The following NAV2 variants were observed in gnomAD, a reference collection of about 807,000 sequenced individuals.
NAV2 encodes helicase, APC down-regulated 1.
A neutral mutation model predicts 223.2 loss-of-function variants in NAV2; 54 were observed. The ratio of observed to expected loss-of-function variants is 0.24; its 90% CI spans 0.19 to 0.30. The LOEUF (loss-of-function observed/expected upper bound fraction) is 0.30. Among genes scored for constraint, NAV2 ranks in the 10% least tolerant of loss-of-function variants. The pLI is 1.00. For missense variants in NAV2, 2,806 were observed against 3,147.5 expected (o/e 0.89, Z 2.60); for synonymous variants, 1,279 against 1,239.3 (o/e 1.03, Z -0.67).
At chr11:19,873,179 T>C (rs1420662931) in intron 4 of NAV2, among the ~76,000 whole-genome samples, 1 of 152,232 alleles carries the variant, frequency 6.6e-6, no homozygotes, top group Non-Finnish European at 1.5e-5. Flanking sequence ...ACATCCTGTA[T>C]GCCAGGCCCA....
At chr11:19,974,521 C>T (rs1042660090) in intron 10 of NAV2, among the ~76,000 whole-genome samples, 11 of 152,222 alleles carry the variant, frequency 7.2e-5, no homozygotes, top group Admixed American at 7.2e-4. Flanking sequence ...AGCAGTGGCT[C>T]ACGCCTGTAA....
chr11:20,044,447 A>G, intron 13 of NAV2, 175 bp downstream of exon 13: 1 of 660,790 alleles, frequency 1.5e-6, no homozygotes, highest in Non-Finnish European at 2.5e-6. Context: ...ATAAGTAAGC[A>G]TGGGAGCCTC....
chr11:19,988,548 TC>T (rs2051017012), intron 11 of NAV2, among the ~76,000 whole-genome samples: 3 of 151,826 alleles, frequency 2.0e-5, no homozygotes, highest in African/African-American at 7.3e-5. Context: ...ATTTTTCTTT[TC>T]TTCTTGTTAT....
chr11:19,770,820 T>C (rs2055662454), intron 1 of NAV2, among the ~76,000 whole-genome samples: 1 of 152,212 alleles, frequency 6.6e-6, no homozygotes, highest in Admixed American at 6.5e-5. Context: ...GCTCTCCTTC[T>C]GGTAATACTT....
chr11:19,356,583 C>T (rs531822096), intron 1 of NAV2, among the ~76,000 whole-genome samples: 12 of 152,136 alleles, frequency 7.9e-5, no homozygotes, highest in African/African-American at 1.7e-4. Flanking sequence ...GGAGGGGGAA[C>T]GTGAGCTCTG....
intron 34 of NAV2, 95 bp downstream of exon 34, chr11:20,103,819 T>G (rs2061823564): frequency 1.8e-6 from 2 of 1,081,248 alleles, no homozygotes. Context: ...GAGTATGTGT[T>G]GTATGCTAGG....
chr11:19,715,034 T>C (rs1187231792), intron 1 of NAV2, among the ~76,000 whole-genome samples: 3 of 152,132 alleles, frequency 2.0e-5, no homozygotes, highest in Admixed American at 6.5e-5. Flanking sequence ...TTTTGGCACA[T>C]ACTTCCCTGC....
At chr11:19,434,962 T>C (rs1851163816) in intron 1 of NAV2, among the ~76,000 whole-genome samples, 1 of 151,924 alleles carries the variant, frequency 6.6e-6, no homozygotes, top group African/African-American at 2.4e-5. Context: ...ATCTTTTCTT[T>C]CCTTTATAAT....
At chr11:19,428,909 T>C (rs1447710010) in intron 1 of NAV2, among the ~76,000 whole-genome samples, 1 of 152,234 alleles carries the variant, frequency 6.6e-6, no homozygotes, top group Non-Finnish European at 1.5e-5. Context: ...GTGTGCATTA[T>C]GATAATGTAC....
At chr11:19,484,301 T>C (rs1204171150) in intron 1 of NAV2, among the ~76,000 whole-genome samples, 2 of 152,222 alleles carry the variant, frequency 1.3e-5, no homozygotes, top group Admixed American at 6.5e-5. Flanking sequence ...CATCCTCAGA[T>C]ACTGGTTCAA....
intron 1 of NAV2, among the ~76,000 whole-genome samples, chr11:19,471,641 A>G (rs535100248): frequency 1.3e-5 from 2 of 152,120 alleles, no homozygotes; most frequent in Non-Finnish European, 2.9e-5. Context: ...TGCAACCATT[A>G]CCTTCCATTA....
intron 1 of NAV2, among the ~76,000 whole-genome samples, chr11:19,497,205 G>A (rs896554084): frequency 6.6e-6 from 1 of 152,202 alleles, no homozygotes; most frequent in African/African-American, 2.4e-5. Context: ...CTGTAAAATG[G>A]CAATAATGAC....
chr11:19,347,254 G>C (rs1285828660), upstream of NAV2, among the ~76,000 whole-genome samples: 1 of 152,202 alleles, frequency 6.6e-6, no homozygotes. Context: ...CTGGCACCTG[G>C]AATCCTAAAT....
At chr11:19,688,777 A>G (rs1363106402) in intron 1 of NAV2, among the ~76,000 whole-genome samples, 7 of 152,182 alleles carry the variant, frequency 4.6e-5, no homozygotes, top group African/African-American at 1.7e-4. Context: ...AGTTAGTATC[A>G]GGCTTTACCT....
chr11:19,360,401 CCTCAGCTGT>C (rs1464029099), intron 1 of NAV2, among the ~76,000 whole-genome samples: 1 of 152,216 alleles, frequency 6.6e-6, no homozygotes, highest in African/African-American at 2.4e-5. Flanking sequence ...GGCTATAAAT[CCTCAGCTGT>C]CTTTGCTATA....
chr11:19,705,983 TATCTCTAA>T (rs1184413403), intron 1 of NAV2, among the ~76,000 whole-genome samples: 3 of 152,188 alleles, frequency 2.0e-5, no homozygotes, highest in Admixed American at 6.5e-5. Context: ...CTCACTAATG[TATCTCTAA>T]GACCATATAC....
intron 1 of NAV2, among the ~76,000 whole-genome samples, chr11:19,385,618 GAT>G (rs1280778902): frequency 1.3e-5 from 2 of 152,176 alleles, no homozygotes; most frequent in Non-Finnish European, 2.9e-5. Flanking sequence ...TCAGGAAAGA[GAT>G]GATTTTTAAC....
At position 20,097,692 on chromosome 11, in the gene NAV2, T is replaced by G; in HGVS notation, c.6128T>G (p.Leu2043Arg). ...AACACTTCCGAAACACCGGAGCTGC[T>G]TCCTTGTGGCTATCTGGTTGGAGAG... is the stretch of plus-strand genomic sequence containing the variant. ...RSNTSETPEL[L>R]PCGYLVGENT... The change falls in exon 31 of 38, where the codon CTT (leucine) becomes CGT (arginine). Residue 2043 changes from leucine to arginine, a missense_variant. Around this residue, in one of 4 missense-constraint regions of NAV2, gnomAD observed 824 missense variants for 1,069.4 expected, o/e 0.77. Coordinates refer to ENST00000349880, the MANE Select transcript of NAV2 (RefSeq NM_145117.5). 6.2e-7 allele frequency: 1 copy of G among 1,612,728 alleles called. No homozygotes were observed. The highest frequency in any genetic ancestry group is 8.5e-7 in the Non-Finnish European group (1 of 1,179,696).
chr11:19,635,349 G>A (rs974948694), intron 1 of NAV2, among the ~76,000 whole-genome samples: 3 of 152,136 alleles, frequency 2.0e-5, no homozygotes, highest in African/African-American at 4.8e-5. Context: ...GCTGCAGTGT[G>A]GACGACAGAT....
Sources: gnomAD v4.1 joint callset for allele counts (sites outside exome capture counted in the v4.1 genomes callset) on GRCh38, gnomAD v4.1.1 for gene constraint, gnomAD v4.1.1 regional missense constraint, MANE v1.5 for transcripts, NCBI Gene and HGNC (gene_info 2026-07-23, HGNC 2026-07-21) for gene names.